The following SLC39A10 variants were observed in gnomAD, a reference collection of about 807,000 sequenced individuals.
The protein encoded by SLC39A10 is solute carrier family 39 member 10.
In SLC39A10, 13 loss-of-function variants were observed where a neutral mutation model predicts 65.1. That is an observed-to-expected ratio of 0.20 (90% CI 0.13 to 0.32). The LOEUF is 0.32. SLC39A10 is among the 10% of genes least tolerant of loss of function. The pLI is 1.00. For synonymous variants in SLC39A10, 321 were observed against 342.2 expected, an observed-to-expected ratio of 0.94 and a Z score of 0.68; for missense variants, 831 against 1,018.4, an observed-to-expected ratio of 0.82 and a Z score of 2.50.
chr2:195,681,147 A>G (rs1297083686), intron 2 of SLC39A10, 97 bp downstream of exon 2: 4 of 1,154,292 alleles, frequency 3.5e-6, no homozygotes, highest in Non-Finnish European at 4.9e-6. Context: ...TATTAATCAT[A>G]TTTAAACTTA....
At chr2:195,629,047 G>C (rs1360891818) in intron 2 of SLC39A10, among the ~76,000 whole-genome samples, 1 of 151,972 alleles carries the variant, frequency 6.6e-6, no homozygotes, top group Non-Finnish European at 1.5e-5. Flanking sequence ...ATTTCTCCTT[G>C]TTGGTAAAAG....
chr2:195,634,092 G>T (rs1574206951), intron 2 of SLC39A10, among the ~76,000 whole-genome samples: 1 of 152,322 alleles, frequency 6.6e-6, no homozygotes, highest in East Asian at 1.9e-4. Flanking sequence ...ATTTTGAAAA[G>T]AACTCTGCTG....
Position 195,728,037 on chromosome 2 carries a change from A to C in SLC39A10, c.2147-122A>C. On this transcript the variant is annotated intron_variant, in intron 8 of 9. Coordinates refer to ENST00000359634, the MANE Select transcript of SLC39A10 (RefSeq NM_020342.3). The surrounding 1 kb of genome is among the most constrained non-coding windows in gnomAD (Gnocchi z 4.4). Reference sequence around the variant, plus strand: ...TAATAAGTAAAATATTTTATATATCACATAAAATACTGTTATTAAAAGTGT... The same window carrying C: ...TAATAAGTAAAATATTTTATATATCCCATAAAATACTGTTATTAAAAGTGT... 1 of 852,436 alleles carries C rather than the reference A, an allele frequency of 1.2e-6. No individual in the cohort carries two copies. The highest frequency in any genetic ancestry group is 1.8e-6 in the Non-Finnish European group (1 of 569,426). The allele number at this position is 852,436 out of a possible 1,614,324, so 52.8% of individuals were successfully genotyped here.
upstream of SLC39A10, among the ~76,000 whole-genome samples, chr2:195,652,823 A>T (rs1306747744): frequency 6.6e-6 from 1 of 152,176 alleles, no homozygotes; most frequent in Non-Finnish European, 1.5e-5. Context: ...ACACAGCAGG[A>T]GGTGAGTGTC....
chr2:195,630,072 T>A (rs563852892), intron 2 of SLC39A10, among the ~76,000 whole-genome samples: 21 of 151,058 alleles, frequency 1.4e-4, no homozygotes, highest in Admixed American at 4.6e-4. Flanking sequence ...AATTTTTCCC[T>A]GTGGTACTAT....
chr2:195,621,962 G>T (rs146722301), intron 2 of SLC39A10, among the ~76,000 whole-genome samples: 122 of 152,238 alleles, frequency 8.0e-4, no homozygotes, highest in Middle Eastern at 6.8e-3. Context: ...TATAGTAAAT[G>T]GTTGTGCCGG....
chr2:195,718,896 A>T (rs1170731847), intron 8 of SLC39A10, among the ~76,000 whole-genome samples: 1 of 151,960 alleles, frequency 6.6e-6, no homozygotes, highest in East Asian at 1.9e-4. Flanking sequence ...CAAAGCTCTT[A>T]TTTTATGAAG....
At chr2:195,654,656 C>T (rs1017965359), upstream of SLC39A10, among the ~76,000 whole-genome samples, 2 of 152,124 alleles carry the variant, frequency 1.3e-5, no homozygotes, top group Non-Finnish European at 2.9e-5. Flanking sequence ...CTTTATGAAT[C>T]AAGTGAGGTG....
intron 3 of SLC39A10, among the ~76,000 whole-genome samples, chr2:195,698,852 CTT>C (rs929463117): frequency 3.3e-5 from 5 of 151,784 alleles, no homozygotes; most frequent in African/African-American, 1.2e-4. Flanking sequence ...GTTACCTCCT[CTT>C]TGATTTTTTT....
intron 1 of SLC39A10, among the ~76,000 whole-genome samples, chr2:195,667,987 A>T (rs1689701659): frequency 6.6e-6 from 1 of 152,234 alleles, no homozygotes; most frequent in Admixed American, 6.5e-5. Context: ...TAACAGTCCC[A>T]CTTTATAAGT....
In SLC39A10 at chr2:195,680,217, GA is replaced by G. The variant is rs771462597; in HGVS notation, c.183del (p.Lys61AsnfsTer26). 2 of 1,611,636 alleles carry G rather than the reference GA, an allele frequency of 1.2e-6. No homozygotes were observed. The highest frequency in any genetic ancestry group is 2.2e-5 in the South Asian group (2 of 90,612). On this transcript the variant is annotated frameshift_variant, in exon 2 of 10. Coordinates refer to ENST00000359634, the MANE Select transcript of SLC39A10 (RefSeq NM_020342.3). LOFTEE classifies it high-confidence loss of function. ...SKFSKQAAEN[E>X]KKYYIEKLFE... ...ATTTTCAAAGCAAGCTGCTGAAAAT[GA>G]AAAAAAATACTATATTGAAAAACTT...
intron 2 of SLC39A10, among the ~76,000 whole-genome samples, chr2:195,630,065 T>G (rs1334422702): frequency 6.6e-6 from 1 of 151,368 alleles, no homozygotes; most frequent in Non-Finnish European, 1.5e-5. Context: ...TAAAATTAAT[T>G]TTTCCCTGTG....
chr2:195,659,956 TATA>T (rs1428099774), intron 1 of SLC39A10, among the ~76,000 whole-genome samples: 2 of 152,154 alleles, frequency 1.3e-5, no homozygotes, highest in East Asian at 3.8e-4. Context: ...CTGTTACTTA[TATA>T]TAATACTCAT....
chr2:195,623,520 A>G (rs1401619818), intron 2 of SLC39A10, among the ~76,000 whole-genome samples: 4 of 152,204 alleles, frequency 2.6e-5, no homozygotes, highest in Non-Finnish European at 4.4e-5. Context: ...CCAAATACTT[A>G]CTATGAAACA....
chr2:195,634,301 C>T lies in SLC39A10; in HGVS notation c.-12+28068C>T, dbSNP rs946221709. Among the ~76,000 whole-genome samples the T allele has an allele frequency of 7.2e-5, 11 of 152,266 alleles. No homozygotes were observed. In the East Asian group the frequency reaches 2.1e-3, roughly 29 times the overall value. On this transcript the variant is annotated intron_variant, in intron 2 of 2. Transcript: ENST00000458054. ...CCTAAACACCTGGTTACTTTCTGAT[C>T]CTGATTACTATATAACAGAGGAATA... is the stretch of plus-strand genomic sequence containing the variant.
chr2:195,623,901 C>CCACACACACACA (rs67959883), intron 2 of SLC39A10, among the ~76,000 whole-genome samples: 2 of 142,846 alleles, frequency 1.4e-5, no homozygotes, highest in African/African-American at 5.3e-5. Flanking sequence ...AAACAAAAAA[C>CCACACACACACA]CACACACACA....
chr2:195,618,989 T>C (rs571492885), intron 2 of SLC39A10, among the ~76,000 whole-genome samples: 1 of 145,734 alleles, frequency 6.9e-6, no homozygotes, highest in Admixed American at 7.1e-5. Context: ...GCTACTCGGG[T>C]GGCTGAGGCA....
chr2:195,700,880 T>C (rs182752436), intron 3 of SLC39A10, among the ~76,000 whole-genome samples: 172 of 152,296 alleles, frequency 1.1e-3, no homozygotes, highest in Admixed American at 4.2e-3. Flanking sequence ...TTATAATATG[T>C]CTTGGTGTGG....
At position 195,682,366 on chromosome 2, in the gene SLC39A10, GTT is replaced by G. The variant is rs527409079; in HGVS notation, c.1008+1319_1008+1320del. Among the ~76,000 whole-genome samples the G allele has an allele frequency of 6.5e-3, 991 of 152,094 alleles. 4 individuals are homozygous for G. The highest frequency in any genetic ancestry group is 0.02 in the Middle Eastern group (6 of 294). On this transcript the variant is annotated intron_variant, in intron 2 of 9. Transcript: ENST00000359634. Reference sequence around the variant, plus strand: ...CCCTTGATAAATCATCAGCTATTTGGTTTTCAGCAGTTATAAACACTGATTTT... The same window carrying G: ...CCCTTGATAAATCATCAGCTATTTGGTTCAGCAGTTATAAACACTGATTTT...
Sources: allele counts gnomAD v4.1 joint callset (sites outside exome capture counted in the v4.1 genomes callset), GRCh38; gene constraint gnomAD v4.1.1; non-coding constraint Gnocchi (gnomAD v3.1); transcripts MANE v1.5; gene names NCBI Gene and HGNC (gene_info 2026-07-23, HGNC 2026-07-21).